ANKRD36C: variants seen among roughly 807,000 people sequenced by gnomAD.
ANKRD36C encodes ankyrin repeat domain-containing protein 36C.
In ANKRD36C, 61 loss-of-function variants were observed where a neutral mutation model predicts 276.4. The observed-to-expected ratio is 0.22, with a 90% CI of 0.18 to 0.27. The LOEUF (loss-of-function observed/expected upper bound fraction) is 0.27, where lower values mean the gene tolerates loss of function less well. ANKRD36C is among the 10% of genes least tolerant of loss of function. The pLI, the probability that ANKRD36C is intolerant of heterozygous loss-of-function variation, is 1.00. For missense variants in ANKRD36C, 1,447 were observed against 2,032.3 expected, an observed-to-expected ratio of 0.71 and a Z score of 5.54; for synonymous variants, 483 against 680.1, an observed-to-expected ratio of 0.71 and a Z score of 4.51.
intron 34 of ANKRD36C, 85 bp downstream of exon 34, chr2:95,921,521 AC>A: frequency 6.6e-7 from 1 of 1,520,306 alleles, no homozygotes; most frequent in East Asian, 2.5e-5. Context: ...GAGCCCCCCC[AC>A]CTGCCCTCCA....
intron 60 of ANKRD36C, among the ~76,000 whole-genome samples, chr2:95,867,210 C>T (rs1255916842): frequency 1.3e-5 from 2 of 152,146 alleles, no homozygotes; most frequent in Non-Finnish European, 2.9e-5. Flanking sequence ...GCAGAGTAAA[C>T]AAACACACTG....
chr2:95,893,143 G>A (rs569504194), intron 44 of ANKRD36C, among the ~76,000 whole-genome samples: 71 of 151,416 alleles, frequency 4.7e-4, no homozygotes, highest in South Asian at 2.1e-3. Flanking sequence ...CAGTGTGTAC[G>A]GGTTATTACA....
At position 95,895,872 on chromosome 2, in the gene ANKRD36C, C is replaced by T. The variant is rs188467055; in HGVS notation, c.2755+3273G>A. Among the ~76,000 whole-genome samples the T allele has an allele frequency of 4.9e-3, 742 of 150,926 alleles. 7 individuals are homozygous for T. Among genetic ancestry groups the T allele is most frequent in the Middle Eastern group, 0.017 (5 of 294 alleles). ...TCAATATCAATGTGGATATGATGAG[C>T]GATGAGGACAAATGTGATCTGAAAA... On this transcript the variant is annotated intron_variant, in intron 44 of 66. Transcript: ENST00000456556.
intron 54 of ANKRD36C, among the ~76,000 whole-genome samples, chr2:95,883,204 A>G (rs1676126947): frequency 6.6e-6 from 1 of 152,124 alleles, no homozygotes; most frequent in Non-Finnish European, 1.5e-5. Flanking sequence ...ATAATAAATG[A>G]TCAAATTTGA....
chr2:95,943,397 A>C (rs1252901359), intron 19 of ANKRD36C, among the ~76,000 whole-genome samples: 1 of 151,382 alleles, frequency 6.6e-6, no homozygotes, highest in Non-Finnish European at 1.5e-5. Context: ...AGGCAGGAGA[A>C]TGGCGTGAAC....
intron 8 of ANKRD36C, among the ~76,000 whole-genome samples, chr2:95,962,087 T>C (rs557619585): frequency 6.6e-6 from 1 of 152,160 alleles, no homozygotes; most frequent in Admixed American, 6.6e-5. Context: ...AGTAAGAATA[T>C]GCTGTCCCTT....
chr2:95,855,132 G>A (rs2104244678), intron 63 of ANKRD36C, 134 bp downstream of exon 83: 2 of 1,309,300 alleles, frequency 1.5e-6, no homozygotes, highest in South Asian at 1.6e-5. Flanking sequence ...GACAAGGAAT[G>A]TTTCTAAGCA....
rs1676588271 is a variant in ANKRD36C, at chr2:95,897,482, A to T, written c.2755+1663T>A. 6.6e-7 allele frequency: 1 copy of T among 1,522,520 alleles called. No homozygotes were observed. The highest frequency in any genetic ancestry group is 8.9e-7 in the Non-Finnish European group (1 of 1,127,130). 94.3% of individuals were successfully genotyped at this position (1,522,520 alleles called of 1,614,324 possible). A position where few individuals can be genotyped will look rare whatever the true frequency, so the allele number is the denominator to read the frequency against. ...CAGAAGACACTGAAAAGTAAAAGGG[A>T]TTCATAATCACTCATATGTAAAAAT... is the stretch of plus-strand genomic sequence containing the variant. On this transcript the variant is annotated intron_variant, in intron 44 of 66. Transcript: ENST00000456556.
intron 42 of ANKRD36C, among the ~76,000 whole-genome samples, chr2:95,911,998 T>C (rs1676941859): frequency 6.6e-6 from 1 of 151,464 alleles, no homozygotes; most frequent in Non-Finnish European, 1.5e-5. Context: ...CAGAGCCCCT[T>C]ATGTCTTCAA....
intron 60 of ANKRD36C, among the ~76,000 whole-genome samples, chr2:95,862,956 C>T (rs1210260685): frequency 6.6e-6 from 1 of 151,560 alleles, no homozygotes; most frequent in Non-Finnish European, 1.5e-5. Context: ...TTGCTGAACC[C>T]ACAACTGCGA....
At chr2:95,913,211 A>G (rs1676987977) in intron 40 of ANKRD36C, among the ~76,000 whole-genome samples, 2 of 149,424 alleles carry the variant, frequency 1.3e-5, no homozygotes, top group Admixed American at 6.7e-5. Context: ...TTCATTCAGA[A>G]ATCACTGCAA....
chr2:95,974,716 A>G (rs928012864), intron 6 of ANKRD36C, among the ~76,000 whole-genome samples: 6 of 151,686 alleles, frequency 4.0e-5, no homozygotes, highest in African/African-American at 1.5e-4. Flanking sequence ...GGTTTGTTAC[A>G]TATGTATACA....
intron 5 of ANKRD36C, 73 bp from the exon 6 acceptor site, chr2:95,978,262 T>C: frequency 4.3e-6 from 2 of 469,636 alleles, no homozygotes; most frequent in Admixed American, 3.6e-5. Flanking sequence ...TACTAAATTA[T>C]TAGAGTATCT....
chr2:95,931,254 C>T (rs1039116008), intron 24 of ANKRD36C, among the ~76,000 whole-genome samples: 1 of 151,278 alleles, frequency 6.6e-6, no homozygotes, highest in African/African-American at 2.4e-5. Context: ...CAAAAGCAGC[C>T]CCATTGCCTC....
At chr2:95,917,987 A>T (rs4605406) in intron 35 of ANKRD36C, 27 bp downstream of exon 37, 1 of 1,587,084 alleles carries the variant, frequency 6.3e-7, no homozygotes. Context: ...GTGTCATAGA[A>T]TACAATGTAA....
At chr2:95,956,477 C>A (rs1190440782) in intron 13 of ANKRD36C, among the ~76,000 whole-genome samples, 2 of 152,220 alleles carry the variant, frequency 1.3e-5, no homozygotes, top group Non-Finnish European at 2.9e-5. Context: ...CTGTATCCAT[C>A]TATGCTTAGG....
intron 44 of ANKRD36C, among the ~76,000 whole-genome samples, chr2:95,893,153 AAGTT>A (rs1231980740): frequency 1.3e-5 from 2 of 151,282 alleles, no homozygotes. Context: ...GGGTTATTAC[AAGTT>A]TTCTGTCTGT....
At chr2:95,943,967 G>C (rs1457631067) in intron 19 of ANKRD36C, among the ~76,000 whole-genome samples, 1 of 152,140 alleles carries the variant, frequency 6.6e-6, no homozygotes, top group Non-Finnish European at 1.5e-5. Context: ...ATTTAAACTA[G>C]AAATATTCAA....
At chr2:95,887,539 G>A (rs1366739378) in intron 50 of ANKRD36C, among the ~76,000 whole-genome samples, 1 of 151,470 alleles carries the variant, frequency 6.6e-6, no homozygotes, top group African/African-American at 2.4e-5. Context: ...CAGGTTATTA[G>A]GATCACTATT....
Sources: gnomAD v4.1 joint callset for allele counts (sites outside exome capture counted in the v4.1 genomes callset) on GRCh38, gnomAD v4.1.1 for gene constraint, MANE v1.5 for transcripts, NCBI Gene and HGNC (gene_info 2026-07-23, HGNC 2026-07-21) for gene names.